ARHGAP45: variants seen among roughly 807,000 people sequenced by gnomAD.
ARHGAP45 encodes Rho GTPase activating protein 45.
In ARHGAP45, 56 loss-of-function variants were observed where a neutral mutation model predicts 116.1. The observed-to-expected ratio is 0.48, with a 90% CI of 0.39 to 0.60. The LOEUF is 0.60. Among genes scored for constraint, ARHGAP45 ranks in the 20% least tolerant of loss-of-function variants. The pLI is 0.00. For synonymous variants in ARHGAP45, 866 were observed against 701.7 expected (o/e 1.23, Z -3.70); for missense variants, 1,622 against 1,601.0 (o/e 1.01, Z -0.22).
In ARHGAP45 at chr19:1,074,258, C is replaced by T; in HGVS notation, c.928+17C>T. The T allele has an allele frequency of 6.2e-7, 1 of 1,612,408 alleles. No homozygotes were observed. The highest frequency in any genetic ancestry group is 8.5e-7 in the Non-Finnish European group (1 of 1,179,546). ...CGACGCTGGGTGAGAGCTGGTGTCC[C>T]AGCAGGGTGGGTCTGGAGGGAGGGG... On this transcript the variant is annotated intron_variant, in intron 7 of 22. Coordinates refer to ENST00000313093, the MANE Select transcript of ARHGAP45 (RefSeq NM_012292.5).
At position 1,085,739 on chromosome 19, in the gene ARHGAP45, C is replaced by T; in HGVS notation, c.3144C>T (p.Ala1048=). 3 of 1,611,762 alleles carry T rather than the reference C, an allele frequency of 1.9e-6. No homozygotes were observed. The highest frequency in any genetic ancestry group is 1.7e-6 in the Non-Finnish European group (2 of 1,179,502). ...SELLSSSEAS[A]LGHLSFLEQQ... ...TGCTGTCCTCATCGGAGGCCAGTGC[C>T]CTGGGCCACCTCAGCTTCCTGGAGC... Residue 1048 remains alanine (A), a synonymous_variant, in exon 23 of 23, where the codon GCC becomes GCT. Coordinates refer to ENST00000313093, the MANE Select transcript of ARHGAP45 (RefSeq NM_012292.5).
chr19:1,067,799 G>A, intron 1 of ARHGAP45: 1 of 619,250 alleles, frequency 1.6e-6, no homozygotes, highest in Admixed American at 2.6e-5. Flanking sequence ...TGCAGGTTGG[G>A]GGCTTAGGCA....
rs987329726 is a variant in ARHGAP45, at chr19:1,067,390, C to G, written c.-16C>G. 2.6e-6 allele frequency: 4 copies of G among 1,550,192 alleles called. No homozygotes were observed. The highest frequency in any genetic ancestry group is 2.6e-6 in the Non-Finnish European group (3 of 1,151,522). On this transcript the variant is annotated 5_prime_UTR_variant, in exon 1 of 23. Coordinates refer to ENST00000313093, the MANE Select transcript of ARHGAP45 (RefSeq NM_012292.5). ...CCCCCAGCCCGCCCCCTCGGGCTCC[C>G]GGCCGGGGCCCCATCATGTTCTCCA...
rs1433144481 is a variant in ARHGAP45 at position 1,079,815 on chromosome 19, G to A, written c.1487G>A (p.Arg496Gln). ...CTGCGGCAGATCCAGGAGGTCATCC[G>A]GCAGAGCGACCAAACCATCAAGTCG... Reference protein sequence around the residue: ...TALRQIQEVIRQSDQTIKSAT... With the variant: ...TALRQIQEVIQQSDQTIKSAT... The change falls in exon 12 of 23, where the codon CGG (arginine) becomes CAG (glutamine). Residue 496 changes from arginine to glutamine, a missense_variant. Coordinates refer to ENST00000313093, the MANE Select transcript of ARHGAP45 (RefSeq NM_012292.5). 3 of 1,608,376 alleles carry A rather than the reference G, an allele frequency of 1.9e-6. No homozygotes were observed. Among genetic ancestry groups the A allele is most frequent in the South Asian group, 1.1e-5 (1 of 90,940 alleles).
At chr19:1,077,010 T>C (rs1278876237) in intron 10 of ARHGAP45, 3 of 985,140 alleles carry the variant, frequency 3.0e-6, no homozygotes, top group Non-Finnish European at 3.6e-6. Flanking sequence ...AGTACAGGTG[T>C]GACCCATGGC....
chr19:1,082,082 G>A lies in ARHGAP45; in HGVS notation c.2517+121G>A, dbSNP rs11878877. On this transcript the variant is annotated intron_variant, in intron 19 of 22. Coordinates refer to ENST00000313093, the MANE Select transcript of ARHGAP45 (RefSeq NM_012292.5). The stretch of plus-strand genomic sequence containing the variant: ...GCTGGAGCAGGACTGGCGCAAGCGG[G>A]GGCCTGGGGAGGACAGGGTGGGCGG... 927 of 1,080,932 alleles carry A rather than the reference G, an allele frequency of 8.6e-4. 11 individuals are homozygous for A. The African/African-American group carries it at 0.013, about 15-fold the overall frequency. The allele number at this position is 1,080,932 out of a possible 1,614,324, so 67.0% of individuals were successfully genotyped here. A position where few individuals can be genotyped will look rare whatever the true frequency, so the allele number is the denominator to read the frequency against.
Position 1,074,740 on chromosome 19 carries a change from G to A in ARHGAP45, c.1104+16G>A, listed in dbSNP as rs1334904909. ...CTTCATGCAGGTGCGTGGTGCCCGG[G>A]AGGGCGGGCTGGGCGGGGGTGTCAC... is the stretch of plus-strand genomic sequence containing the variant. On this transcript the variant is annotated intron_variant, in intron 9 of 22. Transcript: ENST00000313093. 6.2e-7 allele frequency: 1 copy of A among 1,600,060 alleles called. No homozygotes were observed. Among genetic ancestry groups the A allele is most frequent in the African/African-American group, 1.3e-5 (1 of 74,746 alleles).
At chr19:1,067,127 C>G (rs1472661431), upstream of ARHGAP45, 10 of 1,134,148 alleles carry the variant, frequency 8.8e-6, no homozygotes, top group Non-Finnish European at 9.8e-6. Context: ...GGGCGCGGCC[C>G]GGGGCTGGGG....
In ARHGAP45 at chr19:1,071,230, C is replaced by A; in HGVS notation, c.422-1919C>A. 1 of 1,462,534 alleles carries A rather than the reference C, an allele frequency of 6.8e-7. No homozygotes were observed. The allele number at this position is 1,462,534 out of a possible 1,614,324, so 90.6% of individuals were successfully genotyped here. ...GAGCCGGTTTGGCCACCGGAGACCCCCATCGGTCAGCTGCCAGGCCCCACG... is the reference window on the plus strand; with the variant it reads ...GAGCCGGTTTGGCCACCGGAGACCCACATCGGTCAGCTGCCAGGCCCCACG... On this transcript the variant is annotated intron_variant, in intron 2 of 22. Coordinates refer to ENST00000313093, the MANE Select transcript of ARHGAP45 (RefSeq NM_012292.5). The surrounding 1 kb of genome is among the most constrained non-coding windows in gnomAD (Gnocchi z 4.6).
chr19:1,076,238 C>T (rs1192729377), intron 10 of ARHGAP45, among the ~76,000 whole-genome samples: 3 of 152,140 alleles, frequency 2.0e-5, no homozygotes, highest in Non-Finnish European at 2.9e-5. Flanking sequence ...GGCCACAGCC[C>T]TGCTTTTCCT....
chr19:1,085,819 A>C lies in ARHGAP45; in HGVS notation c.3224A>C (p.Glu1075Ala). The C allele has an allele frequency of 6.2e-7, 1 of 1,612,852 alleles. No individual in the cohort carries two copies. The highest frequency in any genetic ancestry group is 8.5e-7 in the Non-Finnish European group (1 of 1,179,880). The change falls in exon 23 of 23, where the codon GAG becomes GCG. Residue 1075 changes from glutamate to alanine, a missense_variant. Physicochemically the swap from Glu to Ala is moderately radical, Grantham distance 107. Coordinates refer to ENST00000313093, the MANE Select transcript of ARHGAP45 (RefSeq NM_012292.5). ...EVASGSHSGS[E>A]EQLEATARED... ...GCTTCTGGCAGCCACAGCGGCAGTG[A>C]GGAGCAGCTGGAGGCCACAGCCCGG...
chr19:1,074,361 G>T lies in ARHGAP45; in HGVS notation c.947G>T (p.Gly316Val). ...RTTLEMEFAK[G>V]LQKIAHNCRQ... ...CCCGCAGAGATGGAGTTTGCCAAGGGCCTGCAGAAGATCGCTCACAACTGC... is the reference window on the plus strand; with the variant it reads ...CCCGCAGAGATGGAGTTTGCCAAGGTCCTGCAGAAGATCGCTCACAACTGC... Residue 316 changes from glycine to valine, a missense_variant, in exon 8 of 23, where the codon GGC becomes GTC. Physicochemically the swap from Gly to Val is moderately radical, Grantham distance 109. This residue lies in a region of ARHGAP45 where 1,334 missense variants were observed against 1,263.8 expected (regional missense o/e 1.06). Coordinates refer to ENST00000313093, the MANE Select transcript of ARHGAP45 (RefSeq NM_012292.5). The T allele has an allele frequency of 6.2e-7, 1 of 1,606,706 alleles. No individual in the cohort carries two copies. The highest frequency in any genetic ancestry group is 8.5e-7 in the Non-Finnish European group (1 of 1,176,746).
intron 18 of ARHGAP45, 37 bp downstream of exon 18, chr19:1,081,775 C>T (rs751161845): frequency 2.9e-5 from 46 of 1,568,090 alleles, no homozygotes; most frequent in Admixed American, 1.6e-4. Context: ...AGCGAGGAGG[C>T]GGGAGTGGGC....
rs376409055 is a variant in ARHGAP45 at position 1,085,846 on chromosome 19, A to G, written c.3251A>G (p.Glu1084Gly). 4.3e-6 allele frequency: 7 copies of G among 1,611,178 alleles called. No homozygotes were observed. The highest frequency in any genetic ancestry group is 1.4e-5 in the African/African-American group (1 of 73,612). The change falls in exon 23 of 23, where the codon GAG becomes GGG. Residue 1084 changes from glutamate (E) to glycine (G), a missense_variant. Coordinates refer to ENST00000313093, the MANE Select transcript of ARHGAP45 (RefSeq NM_012292.5). ...SEEQLEATAR[E>G]DGDGDEDGPA... ...GAGCAGCTGGAGGCCACAGCCCGGG[A>G]GGACGGGGACGGGGACGAGGACGGC...
intron 11 of ARHGAP45, among the ~76,000 whole-genome samples, chr19:1,079,392 C>T (rs1344971360): frequency 4.1e-5 from 6 of 147,494 alleles, no homozygotes; most frequent in African/African-American, 1.3e-4. Flanking sequence ...ACCTGTAATC[C>T]GTTACTTGGG....
At chr19:1,066,149 C>T (rs545235751), upstream of ARHGAP45, 72 of 1,535,442 alleles carry the variant, frequency 4.7e-5, no homozygotes, top group African/African-American at 9.2e-4. Flanking sequence ...CAGAGATCTG[C>T]CCCTCCCACC....
At chr19:1,070,332 T>TC (rs201275674) in intron 2 of ARHGAP45, among the ~76,000 whole-genome samples, 28 of 121,408 alleles carry the variant, frequency 2.3e-4, no homozygotes, top group East Asian at 7.0e-4. Flanking sequence ...TTCTTTTCTT[T>TC]TTTTTTTTTT....
At chr19:1,077,101 C>T (rs552288448) in intron 10 of ARHGAP45, 1 of 985,350 alleles carries the variant, frequency 1.0e-6, no homozygotes, top group Admixed American at 6.1e-5. Context: ...GTGTGGCCCC[C>T]GAGCCCACAG....
Position 1,085,778 on chromosome 19 carries a change from G to C in ARHGAP45, c.3183G>C (p.Glu1061Asp), listed in dbSNP as rs771329937. The change falls in exon 23 of 23, where the codon GAG becomes GAC. Residue 1061 changes from glutamate to aspartate, a missense_variant. Glu to Asp is a conservative substitution (Grantham distance 45). Around this residue, in one of 3 missense-constraint regions of ARHGAP45, gnomAD observed 1,334 missense variants for 1,263.8 expected, o/e 1.06. Coordinates refer to ENST00000313093, the MANE Select transcript of ARHGAP45 (RefSeq NM_012292.5). Reference sequence around the variant, plus strand: ...GCTTCCTGGAGCAGCAGCAGAGCGAGGCCAGCCTAGAGGTGGCTTCTGGCA... The same window carrying C: ...GCTTCCTGGAGCAGCAGCAGAGCGACGCCAGCCTAGAGGTGGCTTCTGGCA... ...HLSFLEQQQS[E>D]ASLEVASGSH... The C allele has an allele frequency of 1.2e-5, 20 of 1,612,834 alleles. No homozygotes were observed. Among genetic ancestry groups the C allele is most frequent in the Non-Finnish European group, 1.6e-5 (19 of 1,179,882 alleles).
Sources: allele counts gnomAD v4.1 joint callset (sites outside exome capture counted in the v4.1 genomes callset), GRCh38; gene constraint gnomAD v4.1.1; regional missense constraint gnomAD v4.1.1; non-coding constraint Gnocchi (gnomAD v3.1); transcripts MANE v1.5; gene names NCBI Gene and HGNC (gene_info 2026-07-23, HGNC 2026-07-21).